The following ZNF37A variants were observed in gnomAD, a reference collection of about 807,000 sequenced individuals.
The protein encoded by ZNF37A is zinc finger protein 37a (KOX 21).
In ZNF37A, 10 loss-of-function variants were observed where a neutral mutation model predicts 12.3. The observed-to-expected ratio is 0.82, with a 90% CI of 0.50 to 1.38. ZNF37A has a LOEUF of 1.38. Ranked by LOEUF, ZNF37A falls within the 40% of genes most tolerant of loss-of-function variation. The probability of loss-of-function intolerance (pLI) is 0.00; values close to 1 mark genes in which losing one functional copy is unlikely to be tolerated. For missense variants in ZNF37A, 580 were observed against 651.2 expected, an observed-to-expected ratio of 0.89 and a Z score of 1.19; for synonymous variants, 207 against 223.0, an observed-to-expected ratio of 0.93 and a Z score of 0.64.
chr10:38,095,955 G>C (rs924373328), intron 4 of ZNF37A, among the ~76,000 whole-genome samples, 151 bp downstream of exon 4: 1 of 151,742 alleles, frequency 6.6e-6, no homozygotes, highest in African/African-American at 2.4e-5. Flanking sequence ...GGGAGGCTGA[G>C]GGGGGTGGAT....
At chr10:38,102,566 A>T (rs551732007) in intron 5 of ZNF37A, among the ~76,000 whole-genome samples, 1 of 152,028 alleles carries the variant, frequency 6.6e-6, no homozygotes, top group Non-Finnish European at 1.5e-5. Flanking sequence ...TAAATCACAT[A>T]AAAAAAAGAG....
intron 7 of ZNF37A, among the ~76,000 whole-genome samples, chr10:38,132,269 T>G (rs2070038173): frequency 6.6e-6 from 1 of 152,158 alleles, no homozygotes; most frequent in Admixed American, 6.5e-5. Flanking sequence ...TGTAGAGGAA[T>G]TATTCCTTTA....
chr10:38,104,269 A>AT (rs2067841020), intron 5 of ZNF37A, among the ~76,000 whole-genome samples: 3 of 152,140 alleles, frequency 2.0e-5, no homozygotes, highest in African/African-American at 7.2e-5. Flanking sequence ...CAAAACAAAG[A>AT]CAAGCCTGTG....
chr10:38,149,443 T>G (rs1313503293), exon 8 of ZNF37A: 7 of 152,074 alleles, frequency 4.6e-5, no homozygotes, highest in Admixed American at 3.3e-4. Flanking sequence ...TATGATCAAA[T>G]GGGACATTCT....
intron 5 of ZNF37A, among the ~76,000 whole-genome samples, chr10:38,102,883 T>C (rs1564917206): frequency 6.6e-6 from 1 of 152,198 alleles, no homozygotes; most frequent in African/African-American, 2.4e-5. Context: ...TCTTACTGCC[T>C]CTGGCCTTCA....
intron 7 of ZNF37A, among the ~76,000 whole-genome samples, chr10:38,133,093 G>T (rs1180360702): frequency 6.6e-6 from 1 of 151,780 alleles, no homozygotes; most frequent in Non-Finnish European, 1.5e-5. Flanking sequence ...GATTTATTTT[G>T]GTTACTATTT....
At chr10:38,100,869 C>T (rs1271002005) in intron 5 of ZNF37A, among the ~76,000 whole-genome samples, 2 of 152,106 alleles carry the variant, frequency 1.3e-5, no homozygotes, top group African/African-American at 4.8e-5. Context: ...GCAGTAAAGA[C>T]AGGCATAAGA....
chr10:38,126,290 C>G (rs546860448), downstream of ZNF37A, among the ~76,000 whole-genome samples: 103 of 152,176 alleles, frequency 6.8e-4, no homozygotes, highest in African/African-American at 2.4e-3. Flanking sequence ...TGACTAACTC[C>G]TCTTCCTTCT....
chr10:38,100,148 C>G (rs569316853), intron 5 of ZNF37A, among the ~76,000 whole-genome samples: 1 of 151,982 alleles, frequency 6.6e-6, no homozygotes, highest in African/African-American at 2.4e-5. Context: ...AGGGAGTATG[C>G]GAATAGGTGT....
chr10:38,112,768 T>TCTTGG lies in ZNF37A; in HGVS notation c.16-1987_16-1986insCTTGG, dbSNP rs1564932199. ...TTCTTTTCTTTTCTTTTCTTTTCTT[T>TCTTGG]TCTTTTCTTTTCTTTTCTTTTCTTT... On this transcript the variant is annotated intron_variant, in intron 5 of 7. Transcript: ENST00000685332. Among the ~76,000 whole-genome samples, 199 of 64,198 alleles carry TCTTGG rather than the reference T, an allele frequency of 3.1e-3. 47 individuals carry two copies. Among genetic ancestry groups the TCTTGG allele is most frequent in the Middle Eastern group, 7.4e-3 (1 of 136 alleles). The allele number at this position is 64,198 out of a possible 152,430, so 42.1% of individuals were successfully genotyped here. A position where few individuals can be genotyped will look rare whatever the true frequency, so the allele number is the denominator to read the frequency against.
chr10:38,132,254 G>T (rs1449386464), intron 7 of ZNF37A, among the ~76,000 whole-genome samples: 1 of 152,046 alleles, frequency 6.6e-6, no homozygotes, highest in Non-Finnish European at 1.5e-5. Context: ...AAATACCCTT[G>T]GTCATGTAGA....
At chr10:38,139,764 A>G (rs2070157493) in intron 7 of ZNF37A, 1 of 152,174 alleles carries the variant, frequency 6.6e-6, no homozygotes, top group South Asian at 2.1e-4. Context: ...GAAAATATTG[A>G]TGGTGTCTCA....
rs1464932087 is a variant in ZNF37A, at chr10:38,094,450, GCTCCCGGCAT to G, written c.-527_-518del. On this transcript the variant is annotated 5_prime_UTR_variant, in exon 1 of 8. It removes the in-frame stop codon of an upstream open reading frame in the 5' UTR. Coordinates refer to ENST00000685332, the MANE Select transcript of ZNF37A (RefSeq NM_001324250.3). ...TCTCCCCGGCACTCTGACGGGGAGG[GCTCCCGGCAT>G]CTCCTGGCGTCCGGGTAGAGGACGC... The G allele has an allele frequency of 1.3e-5, 2 of 152,164 alleles. No individual in the cohort carries two copies. Among genetic ancestry groups the G allele is most frequent in the Non-Finnish European group, 2.9e-5 (2 of 68,064 alleles). The allele number at this position is 152,164 out of a possible 1,614,324, so 9.4% of individuals were successfully genotyped here.
In ZNF37A at chr10:38,117,486, A is replaced by C. The variant is rs762488930; in HGVS notation, c.335A>C (p.His112Pro). 2 of 1,612,756 alleles carry C rather than the reference A, an allele frequency of 1.2e-6. No individual in the cohort carries two copies. The highest frequency in any genetic ancestry group is 3.3e-5 in the Admixed American group (2 of 59,724). ...CFCDEKHEIIHSEEEPSEYNK... is the reference protein window; with the variant it reads ...CFCDEKHEIIPSEEEPSEYNK... Reference sequence around the variant, plus strand: ...TGTGATGAAAAGCATGAAATAATTCATTCTGAAGAGGAACCTTCTGAATAT... The same window carrying C: ...TGTGATGAAAAGCATGAAATAATTCCTTCTGAAGAGGAACCTTCTGAATAT... Residue 112 changes from histidine to proline, a missense_variant, in exon 8 of 8, where the codon CAT becomes CCT. Transcript: ENST00000685332.
intron 5 of ZNF37A, among the ~76,000 whole-genome samples, chr10:38,097,375 C>T (rs910927417): frequency 1.1e-4 from 17 of 151,864 alleles, no homozygotes; most frequent in Non-Finnish European, 2.2e-4. Context: ...GTCAGGAGTC[C>T]GAGACCAGCC....
At chr10:38,112,736 T>TCGG (rs1564931750) in intron 5 of ZNF37A, among the ~76,000 whole-genome samples, 7 of 17,106 alleles carry the variant, frequency 4.1e-4, no homozygotes, top group African/African-American at 4.8e-4. Context: ...ATCCATTTTC[T>TCGG]TTTCTTTTCT....
At chr10:38,144,524 A>G (rs773338622) in intron 7 of ZNF37A, 25 of 152,302 alleles carry the variant, frequency 1.6e-4, no homozygotes, top group Non-Finnish European at 2.9e-4. Context: ...TATAGTATGA[A>G]TTAATTCTTT....
downstream of ZNF37A, among the ~76,000 whole-genome samples, chr10:38,127,465 G>C (rs1307997133): frequency 6.6e-6 from 1 of 152,136 alleles, no homozygotes; most frequent in Non-Finnish European, 1.5e-5. Context: ...GTGATACTTG[G>C]CTTTAAATGA....
chr10:38,137,161 C>T (rs1416975556), intron 7 of ZNF37A, among the ~76,000 whole-genome samples: 1 of 152,118 alleles, frequency 6.6e-6, no homozygotes, highest in Non-Finnish European at 1.5e-5. Flanking sequence ...ATTTATTTGG[C>T]TCCTTTAAGT....
Sources: allele counts gnomAD v4.1 joint callset (sites outside exome capture counted in the v4.1 genomes callset), GRCh38; gene constraint gnomAD v4.1.1; transcripts MANE v1.5; gene names NCBI Gene and HGNC (gene_info 2026-07-23, HGNC 2026-07-21).